PTPRG: variants seen among roughly 807,000 people sequenced by gnomAD.
PTPRG encodes the protein protein tyrosine phosphatase receptor type G, also known as receptor-type tyrosine-protein phosphatase gamma.
PTPRG carries 102 observed loss-of-function variants against 165.3 expected under a neutral mutation model. The ratio of observed to expected loss-of-function variants is 0.62; its 90% CI spans 0.53 to 0.73. The LOEUF (loss-of-function observed/expected upper bound fraction) is 0.73, where lower values mean the gene tolerates loss of function less well. Among genes scored for constraint, PTPRG ranks in the 30% least tolerant of loss-of-function variants. The pLI is 0.00. For synonymous variants in PTPRG, 675 were observed against 669.5 expected, an observed-to-expected ratio of 1.01 and a Z score of -0.13; for missense variants, 1,866 against 1,861.4, an observed-to-expected ratio of 1.00 and a Z score of -0.05.
intron 7 of PTPRG, among the ~76,000 whole-genome samples, chr3:62,165,977 A>G (rs1236543240): frequency 6.6e-6 from 1 of 151,908 alleles, no homozygotes; most frequent in Non-Finnish European, 1.5e-5. Context: ...TATTTTCCAC[A>G]TTAGTATTAA....
chr3:61,672,096 A>G (rs930410952), intron 1 of PTPRG, among the ~76,000 whole-genome samples: 8 of 148,886 alleles, frequency 5.4e-5, no homozygotes, highest in Admixed American at 6.6e-5. Context: ...AGCAGGGCAG[A>G]GGTGCTCCCC....
chr3:61,940,236 C>T (rs1654946172), intron 2 of PTPRG, among the ~76,000 whole-genome samples: 1 of 152,104 alleles, frequency 6.6e-6, no homozygotes, highest in Admixed American at 6.5e-5. Flanking sequence ...AGGCGTGAGC[C>T]ACCGTGCCCA....
intron 13 of PTPRG, among the ~76,000 whole-genome samples, chr3:62,227,980 T>G (rs369271806): frequency 1.3e-5 from 2 of 152,336 alleles, no homozygotes; most frequent in Non-Finnish European, 1.5e-5. Context: ...GGCTGGATGG[T>G]GCTATGGTGG....
At chr3:61,565,221 T>C (rs909261021) in intron 1 of PTPRG, among the ~76,000 whole-genome samples, 1 of 152,140 alleles carries the variant, frequency 6.6e-6, no homozygotes, top group African/African-American at 2.4e-5. Context: ...GATTTTAGTC[T>C]TTGAACAGCA....
At chr3:61,825,939 G>T (rs1053574998) in intron 2 of PTPRG, among the ~76,000 whole-genome samples, 1 of 151,730 alleles carries the variant, frequency 6.6e-6, no homozygotes, top group Non-Finnish European at 1.5e-5. Context: ...GCGTGCGTGA[G>T]CCACCACTCC....
intron 2 of PTPRG, among the ~76,000 whole-genome samples, chr3:61,885,606 A>G (rs566572924): frequency 7.0e-6 from 1 of 142,384 alleles, no homozygotes; most frequent in Non-Finnish European, 1.5e-5. Context: ...TGGACAACAC[A>G]GTTTGGATCT....
chr3:61,985,714 C>T (rs1016732846), intron 2 of PTPRG, among the ~76,000 whole-genome samples: 2 of 152,138 alleles, frequency 1.3e-5, no homozygotes, highest in African/African-American at 4.8e-5. Flanking sequence ...GACTAAATTT[C>T]TTCTTTGATT....
chr3:61,784,271 T>C (rs1375224126), intron 2 of PTPRG, among the ~76,000 whole-genome samples: 1 of 152,038 alleles, frequency 6.6e-6, no homozygotes, highest in Non-Finnish European at 1.5e-5. Context: ...TGAGTGGCAG[T>C]GGGGTTGGGG....
chr3:62,080,150 C>T (rs993655787), intron 5 of PTPRG, among the ~76,000 whole-genome samples: 12 of 151,168 alleles, frequency 7.9e-5, no homozygotes, highest in South Asian at 6.3e-4. Flanking sequence ...TCACCACAAC[C>T]TCCGCCTCCC....
intron 3 of PTPRG, among the ~76,000 whole-genome samples, chr3:62,000,372 A>C (rs1380978981): frequency 6.6e-6 from 1 of 152,102 alleles, no homozygotes. Flanking sequence ...TACCCAGGGC[A>C]GACTTCGGTG....
At chr3:62,218,087 A>T (rs1019272091) in intron 12 of PTPRG, among the ~76,000 whole-genome samples, 10 of 152,046 alleles carry the variant, frequency 6.6e-5, no homozygotes, top group African/African-American at 2.4e-4. Flanking sequence ...GAAAAACAGG[A>T]TCTCTGGGGA....
At chr3:61,934,110 G>A (rs2039428679) in intron 2 of PTPRG, among the ~76,000 whole-genome samples, 1 of 152,200 alleles carries the variant, frequency 6.6e-6, no homozygotes, top group African/African-American at 2.4e-5. Flanking sequence ...GACTTTCAGT[G>A]GTGTGGGGAT....
intron 1 of PTPRG, among the ~76,000 whole-genome samples, chr3:61,641,246 A>G (rs935526511): frequency 6.6e-6 from 1 of 151,902 alleles, no homozygotes; most frequent in Non-Finnish European, 1.5e-5. Context: ...TGAAATATAT[A>G]TAGAATACCC....
At chr3:61,869,036 G>A (rs1291583055) in intron 2 of PTPRG, among the ~76,000 whole-genome samples, 3 of 152,086 alleles carry the variant, frequency 2.0e-5, no homozygotes, top group African/African-American at 7.2e-5. Context: ...AGCATTAGGA[G>A]GACGGCATTT....
chr3:61,773,448 G>A (rs184799875), intron 2 of PTPRG, among the ~76,000 whole-genome samples: 9 of 152,306 alleles, frequency 5.9e-5, no homozygotes, highest in African/African-American at 2.2e-4. Context: ...TTTCAGGGAT[G>A]CTGTGGATTT....
At chr3:61,954,149 T>C (rs2039967711) in intron 2 of PTPRG, among the ~76,000 whole-genome samples, 1 of 152,150 alleles carries the variant, frequency 6.6e-6, no homozygotes, top group South Asian at 2.1e-4. Context: ...AGCACCTAAA[T>C]CCCTTCCCTG....
At chr3:62,193,824 C>A in intron 9 of PTPRG, among the ~76,000 whole-genome samples, 1 of 152,224 alleles carries the variant, frequency 6.6e-6, no homozygotes, top group East Asian at 1.9e-4. Flanking sequence ...TGGCTAAGCT[C>A]ACAGAGCTGC....
chr3:61,631,210 G>GA (rs11330668), intron 1 of PTPRG, among the ~76,000 whole-genome samples: 29 of 150,152 alleles, frequency 1.9e-4, no homozygotes, highest in African/African-American at 5.6e-4. Flanking sequence ...TGTATGGTAA[G>GA]AAAAAAAAAA....
intron 12 of PTPRG, among the ~76,000 whole-genome samples, chr3:62,204,166 T>A (rs1576131109): frequency 6.6e-6 from 1 of 152,234 alleles, no homozygotes; most frequent in Admixed American, 6.5e-5. Flanking sequence ...AGTAAGTCTT[T>A]CTTTGATATT....
Sources: gnomAD v4.1 joint callset for allele counts (sites outside exome capture counted in the v4.1 genomes callset) on GRCh38, gnomAD v4.1.1 for gene constraint, MANE v1.5 for transcripts, NCBI Gene and HGNC (gene_info 2026-07-23, HGNC 2026-07-21) for gene names.